The following ITPKB variants were observed in gnomAD, a reference collection of about 807,000 sequenced individuals.
ITPKB encodes IP3 3-kinase B.
ITPKB carries 13 observed loss-of-function variants against 69.4 expected under a neutral mutation model. The ratio of observed to expected loss-of-function variants is 0.19; its 90% confidence interval spans 0.12 to 0.30. ITPKB has a LOEUF of 0.30. Ranked by LOEUF, ITPKB falls within the 10% of genes least tolerant of loss-of-function variation. The probability of loss-of-function intolerance (pLI) is 1.00; values close to 1 mark genes in which losing one functional copy is unlikely to be tolerated. For synonymous variants in ITPKB, 584 were observed against 513.7 expected (o/e 1.14, Z -1.85); for missense variants, 1,240 against 1,250.5 (o/e 0.99, Z 0.13).
chr1:226,706,711 C>A (rs1348270612), intron 2 of ITPKB, among the ~76,000 whole-genome samples: 1 of 152,170 alleles, frequency 6.6e-6, no homozygotes, highest in East Asian at 1.9e-4. Context: ...CTGGTTGGGG[C>A]CTGTGGGAGG....
intron 6 of ITPKB, 55 bp downstream of exon 6, chr1:226,639,502 C>A (rs1668907924): frequency 8.5e-7 from 1 of 1,181,948 alleles, no homozygotes; most frequent in African/African-American, 1.5e-5. Flanking sequence ...AGAGTAGACA[C>A]AGTTGTCCCT....
intron 2 of ITPKB, among the ~76,000 whole-genome samples, chr1:226,667,187 T>C (rs1669518643): frequency 6.6e-6 from 1 of 152,136 alleles, no homozygotes; most frequent in Non-Finnish European, 1.5e-5. Context: ...CGTGATCTGG[T>C]GATGACATGA....
chr1:226,696,928 C>T (rs1004500414), intron 2 of ITPKB, among the ~76,000 whole-genome samples: 7 of 152,216 alleles, frequency 4.6e-5, no homozygotes, highest in Non-Finnish European at 8.8e-5. Flanking sequence ...ACAGCTCACA[C>T]TCAATGATGT....
chr1:226,717,603 G>A lies in ITPKB; in HGVS notation c.1932+17924C>T, dbSNP rs115509405. 3.2e-3 allele frequency among the ~76,000 whole-genome samples: 491 copies of A among 152,228 alleles called. 1 individual carries two copies. Among genetic ancestry groups the A allele is most frequent in the African/African-American group, 0.011 (474 of 41,540 alleles). ...TCTTTGTTTTTCTTTTTATTTCCAG[G>A]CCCCAACAATCAATAAACAACTTTC... is the stretch of plus-strand genomic sequence containing the variant. On this transcript the variant is annotated intron_variant, in intron 2 of 7. Coordinates refer to ENST00000429204, the MANE Select transcript of ITPKB (RefSeq NM_002221.4).
intron 2 of ITPKB, among the ~76,000 whole-genome samples, chr1:226,712,461 G>A (rs1656985938): frequency 6.6e-6 from 1 of 152,206 alleles, no homozygotes; most frequent in Admixed American, 6.5e-5. Context: ...ACTGACAAAG[G>A]GCCTTCTTTA....
At chr1:226,711,755 A>C (rs1288140956) in intron 2 of ITPKB, among the ~76,000 whole-genome samples, 1 of 152,058 alleles carries the variant, frequency 6.6e-6, no homozygotes, top group Non-Finnish European at 1.5e-5. Context: ...AGCTGAACCC[A>C]CTAGGGTGTC....
chr1:226,649,028 G>C (rs1669117747), intron 2 of ITPKB, among the ~76,000 whole-genome samples: 1 of 152,218 alleles, frequency 6.6e-6, no homozygotes, highest in Admixed American at 6.5e-5. Context: ...TCCAAGGAAG[G>C]CTGGAGAGGA....
chr1:226,639,447 G>T, intron 6 of ITPKB, 110 bp downstream of exon 6: 1 of 759,332 alleles, frequency 1.3e-6, no homozygotes, highest in Admixed American at 1.9e-5. Flanking sequence ...TCGGGCTGGG[G>T]TGTGCTGTCC....
intron 2 of ITPKB, among the ~76,000 whole-genome samples, chr1:226,681,478 G>A (rs1245313859): frequency 1.3e-5 from 2 of 152,186 alleles, no homozygotes; most frequent in Non-Finnish European, 2.9e-5. Flanking sequence ...AGGGCACAGA[G>A]TTGGTAAGTG....
chr1:226,713,986 G>A (rs530254127), intron 2 of ITPKB, among the ~76,000 whole-genome samples: 17 of 152,192 alleles, frequency 1.1e-4, no homozygotes, highest in South Asian at 2.1e-4. Flanking sequence ...AATCTTGACC[G>A]TCTATGGCAA....
chr1:226,686,559 G>A (rs780842382), intron 2 of ITPKB, among the ~76,000 whole-genome samples: 3 of 152,164 alleles, frequency 2.0e-5, no homozygotes, highest in Non-Finnish European at 2.9e-5. Context: ...CATCCTCTGG[G>A]GCCCTGAAAC....
chr1:226,650,053 C>A (rs1460313720), intron 2 of ITPKB, among the ~76,000 whole-genome samples: 1 of 152,106 alleles, frequency 6.6e-6, no homozygotes, highest in Non-Finnish European at 1.5e-5. Flanking sequence ...ATGTGGCTTG[C>A]AGAGGAGATG....
intron 2 of ITPKB, among the ~76,000 whole-genome samples, chr1:226,677,089 C>T (rs1335948690): frequency 2.6e-5 from 4 of 152,196 alleles, no homozygotes; most frequent in South Asian, 4.1e-4. Context: ...CAATTTGAAA[C>T]GCCGTCCTAA....
chr1:226,667,839 T>C (rs1669534056), intron 2 of ITPKB, among the ~76,000 whole-genome samples: 2 of 151,928 alleles, frequency 1.3e-5, no homozygotes, highest in Non-Finnish European at 2.9e-5. Flanking sequence ...TGTGTGTGTG[T>C]GTGTGTGTGT....
rs151058468 is a variant in ITPKB, at chr1:226,651,313, C to T, written c.1933-2542G>A. Reference sequence around the variant, plus strand: ...GCGTTGAGGCAGGCCAACCTGGGCCCGAGTCCCGGCTCCCCTTTTCCTCCT... The same window carrying T: ...GCGTTGAGGCAGGCCAACCTGGGCCTGAGTCCCGGCTCCCCTTTTCCTCCT... On this transcript the variant is annotated intron_variant, in intron 2 of 7. Transcript: ENST00000429204. Among the ~76,000 whole-genome samples, 402 of 152,248 alleles carry T rather than the reference C, an allele frequency of 2.6e-3. 3 individuals carry two copies. The highest frequency in any genetic ancestry group is 9.0e-3 in the African/African-American group (373 of 41,538).
At chr1:226,703,688 A>T (rs1265936726) in intron 2 of ITPKB, among the ~76,000 whole-genome samples, 2 of 152,242 alleles carry the variant, frequency 1.3e-5, no homozygotes, top group Non-Finnish European at 2.9e-5. Flanking sequence ...GCGGGGCTTG[A>T]AATGCTGACC....
At chr1:226,709,020 G>T (rs1466797317) in intron 2 of ITPKB, among the ~76,000 whole-genome samples, 2 of 152,194 alleles carry the variant, frequency 1.3e-5, no homozygotes, top group African/African-American at 4.8e-5. Context: ...ACTCCAGATG[G>T]TACAGCAAGC....
At chr1:226,689,610 T>TGTGTGC (rs1553255322) in intron 2 of ITPKB, among the ~76,000 whole-genome samples, 4 of 147,406 alleles carry the variant, frequency 2.7e-5, no homozygotes, top group African/African-American at 7.6e-5. Flanking sequence ...TGTGTGTGTG[T>TGTGTGC]GTGCATGCAT....
chr1:226,655,983 G>T (rs956586881), intron 2 of ITPKB, among the ~76,000 whole-genome samples: 3 of 152,186 alleles, frequency 2.0e-5, no homozygotes, highest in African/African-American at 7.2e-5. Flanking sequence ...GCAACTTCTT[G>T]CTCCACACAC....
Sources: allele counts gnomAD v4.1 joint callset (sites outside exome capture counted in the v4.1 genomes callset), GRCh38; gene constraint gnomAD v4.1.1; transcripts MANE v1.5; gene names NCBI Gene and HGNC (gene_info 2026-07-23, HGNC 2026-07-21).